Variants in ESRRB observed in about 807,000 individuals in gnomAD.
ESRRB encodes steroid hormone receptor ERR2.
ESRRB carries 16 observed loss-of-function variants against 46.0 expected under a neutral mutation model. That is an observed-to-expected ratio of 0.35 (90% CI 0.24 to 0.53). ESRRB has a LOEUF of 0.53. ESRRB is among the 20% of genes least tolerant of loss of function. The pLI, the probability that ESRRB is intolerant of heterozygous loss-of-function variation, is 0.93. For missense variants in ESRRB, 488 were observed against 607.4 expected (o/e 0.80, Z 2.07); for synonymous variants, 246 against 259.6 (o/e 0.95, Z 0.50).
chr14:76,454,326 G>A (rs1888513952), intron 2 of ESRRB, among the ~76,000 whole-genome samples: 1 of 152,182 alleles, frequency 6.6e-6, no homozygotes, highest in Non-Finnish European at 1.5e-5. Context: ...TTGAGATACA[G>A]AAATGAAAAA....
rs191807715 is a variant in ESRRB at position 76,406,178 on chromosome 14, C to T, written c.50+29727C>T. 1.3e-3 allele frequency among the ~76,000 whole-genome samples: 191 copies of T among 152,186 alleles called. 1 individual carries two copies. Among genetic ancestry groups the T allele is most frequent in the African/African-American group, 4.4e-3 (183 of 41,534 alleles). On this transcript the variant is annotated intron_variant, in intron 1 of 6. Transcript: ENST00000644823. Reference sequence around the variant, plus strand: ...TGCCTACAGGGCTGAGTGGACAAACCGCCCCTGCTCCGGCCCTAAGAAATT... The same window carrying T: ...TGCCTACAGGGCTGAGTGGACAAACTGCCCCTGCTCCGGCCCTAAGAAATT...
intron 2 of ESRRB, among the ~76,000 whole-genome samples, chr14:76,453,904 G>A (rs76369206): frequency 0.05 from 7,605 of 152,124 alleles, 637 homozygotes; most frequent in African/African-American, 0.17. Context: ...GAGCCTAATC[G>A]GTGGATTCTT....
intron 1 of ESRRB, among the ~76,000 whole-genome samples, chr14:76,327,241 G>A (rs929617141): frequency 6.6e-6 from 1 of 152,220 alleles, no homozygotes; most frequent in African/African-American, 2.4e-5. Context: ...GGGGACCCAC[G>A]TGGGGGTGGG....
chr14:76,456,290 C>T (rs918220927), intron 2 of ESRRB, among the ~76,000 whole-genome samples: 2 of 152,178 alleles, frequency 1.3e-5, no homozygotes, highest in Non-Finnish European at 2.9e-5. Context: ...CACTCCCATC[C>T]TGCCAGTTAT....
intron 1 of ESRRB, among the ~76,000 whole-genome samples, chr14:76,361,510 C>A (rs896881357): frequency 2.0e-5 from 3 of 152,160 alleles, no homozygotes; most frequent in African/African-American, 7.2e-5. Flanking sequence ...AGTATACATA[C>A]TTCTGAGAGT....
At chr14:76,485,626 TGAGAGAGAGAGA>T (rs151021182) in intron 5 of ESRRB, among the ~76,000 whole-genome samples, 124 of 143,350 alleles carry the variant, frequency 8.7e-4, no homozygotes, top group Non-Finnish European at 9.9e-4. Flanking sequence ...TCCCTATCCC[TGAGAGAGAGAGA>T]GAGAGAGAGA....
chr14:76,333,957 A>G (rs1884095253), intron 1 of ESRRB, among the ~76,000 whole-genome samples: 1 of 152,026 alleles, frequency 6.6e-6, no homozygotes. Context: ...TAAGCTGCTG[A>G]ATTGCTCTGT....
Position 76,462,576 on chromosome 14 carries a change from C to G in ESRRB, c.492C>G (p.Asn164Lys). Residue 164 changes from asparagine (N) to lysine (K), a missense_variant, in exon 3 of 7, where the codon AAC (asparagine) becomes AAG (lysine). Asn to Lys is a moderately conservative substitution (Grantham distance 94). Coordinates refer to ENST00000644823, the MANE Select transcript of ESRRB (RefSeq NM_001379180.1). ...GNIEYSCPAT[N>K]ECEITKRRRK... ...TTGAGTACAGCTGCCCGGCCACCAA[C>G]GAGTGCGAGATCACCAAACGGAGGC... is the stretch of plus-strand genomic sequence containing the variant. The G allele has an allele frequency of 6.2e-7, 1 of 1,614,080 alleles. No individual in the cohort carries two copies. Among genetic ancestry groups the G allele is most frequent in the Non-Finnish European group, 8.5e-7 (1 of 1,179,986 alleles).
intron 1 of ESRRB, among the ~76,000 whole-genome samples, chr14:76,415,295 T>G (rs1235682712): frequency 1.3e-5 from 2 of 152,178 alleles, no homozygotes; most frequent in African/African-American, 2.4e-5. Flanking sequence ...GAGAGTGAAC[T>G]TTATAGAAGC....
At chr14:76,338,436 T>C (rs11620950) in intron 1 of ESRRB, among the ~76,000 whole-genome samples, 14,002 of 152,244 alleles carry the variant, frequency 0.092, 783 homozygotes, top group Middle Eastern at 0.16. Flanking sequence ...ACCAAAACCA[T>C]GGACATCTGT....
intron 1 of ESRRB, among the ~76,000 whole-genome samples, chr14:76,383,330 G>T (rs1283076199): frequency 7.6e-6 from 1 of 131,732 alleles, no homozygotes; most frequent in African/African-American, 2.8e-5. Context: ...AATTCATTTT[G>T]AAATTTTTAT....
chr14:76,485,119 A>T (rs1234008819), intron 5 of ESRRB, among the ~76,000 whole-genome samples: 1 of 152,114 alleles, frequency 6.6e-6, no homozygotes, highest in Non-Finnish European at 1.5e-5. Context: ...ATAAATCTGC[A>T]TGCTGAATTC....
At chr14:76,365,551 T>G (rs1047625006) in intron 1 of ESRRB, among the ~76,000 whole-genome samples, 1 of 152,210 alleles carries the variant, frequency 6.6e-6, no homozygotes, top group Non-Finnish European at 1.5e-5. Flanking sequence ...TATGTAGTAC[T>G]TCAGGGGCTG....
intron 1 of ESRRB, among the ~76,000 whole-genome samples, chr14:76,430,341 A>G (rs1000823414): frequency 6.6e-6 from 1 of 152,222 alleles, no homozygotes; most frequent in Admixed American, 6.5e-5. Context: ...TCAAGTGTTC[A>G]GAAACCATTT....
At chr14:76,393,884 T>C (rs1451924681) in intron 1 of ESRRB, among the ~76,000 whole-genome samples, 1 of 151,942 alleles carries the variant, frequency 6.6e-6, no homozygotes, top group African/African-American at 2.4e-5. Context: ...CACTGCAAAC[T>C]TCACCTCCCA....
chr14:76,426,636 C>G (rs1191163014), intron 1 of ESRRB, among the ~76,000 whole-genome samples: 3 of 152,136 alleles, frequency 2.0e-5, no homozygotes, highest in African/African-American at 7.2e-5. Flanking sequence ...AGTCAATGAA[C>G]TATGGTATTG....
intron 1 of ESRRB, among the ~76,000 whole-genome samples, chr14:76,425,581 G>C (rs904994757): frequency 6.6e-6 from 1 of 151,842 alleles, no homozygotes; most frequent in Non-Finnish European, 1.5e-5. Flanking sequence ...CCAACATAGA[G>C]CTTTCCCTGT....
At chr14:76,321,539 C>G (rs1270671136) in intron 1 of ESRRB, among the ~76,000 whole-genome samples, 1 of 152,198 alleles carries the variant, frequency 6.6e-6, no homozygotes, top group African/African-American at 2.4e-5. Flanking sequence ...TAACTGTACC[C>G]TTACCCGATA....
At chr14:76,472,067 T>C (rs1889394249) in intron 3 of ESRRB, among the ~76,000 whole-genome samples, 1 of 152,238 alleles carries the variant, frequency 6.6e-6, no homozygotes, top group Admixed American at 6.5e-5. Flanking sequence ...CTGGGTGGAA[T>C]CTAGTCTCCT....
Sources: gnomAD v4.1 joint callset for allele counts (sites outside exome capture counted in the v4.1 genomes callset) on GRCh38, gnomAD v4.1.1 for gene constraint, MANE v1.5 for transcripts, NCBI Gene and HGNC (gene_info 2026-07-23, HGNC 2026-07-21) for gene names.